Variants in COL18A1 observed in about 807,000 individuals in gnomAD.
The protein encoded by COL18A1 is collagen alpha-1(XVIII) chain.
COL18A1 carries 133 observed loss-of-function variants against 168.0 expected under a neutral mutation model. The ratio of observed to expected loss-of-function variants is 0.79; its 90% CI spans 0.69 to 0.91. The LOEUF (loss-of-function observed/expected upper bound fraction) is 0.91, where lower values mean the gene tolerates loss of function less well. COL18A1 is among the 40% of genes least tolerant of loss of function. The pLI is 0.00. For missense variants in COL18A1, 2,126 were observed against 1,925.4 expected (o/e 1.10, Z -1.95); for synonymous variants, 949 against 809.0 (o/e 1.17, Z -2.94).
chr21:45,496,508 C>T lies in COL18A1; in HGVS notation c.2517C>T (p.Pro839=), dbSNP rs544241303. 5.9e-5 allele frequency: 86 copies of T among 1,457,930 alleles called. No homozygotes were observed. The South Asian group carries it at 6.9e-4, about 12-fold the overall frequency. 90.3% of individuals were successfully genotyped at this position (1,457,930 alleles called of 1,614,324 possible). A position where few individuals can be genotyped will look rare whatever the true frequency, so the allele number is the denominator to read the frequency against. The change falls in exon 30 of 42, where the codon CCC becomes CCT. Residue 839 remains proline (P), a synonymous_variant. Coordinates refer to ENST00000651438, the MANE Select transcript of COL18A1 (RefSeq NM_001379500.1). ...CTCTGCCCTCCCCACAGGGAATGCC[C>T]GGCCCCCCAGGACCTCCAGGGCCCC... ...ASLGFGMRGM[P]GPPGPPGPPG...
At chr21:45,491,886 TGCAGGGCCCAGGGCA>T (rs1264519079) in intron 22 of COL18A1, among the ~76,000 whole-genome samples, 1 of 152,122 alleles carries the variant, frequency 6.6e-6, no homozygotes, top group Non-Finnish European at 1.5e-5. Context: ...CCTGGGCAGA[TGCAGGGCCCAGGGCA>T]GCAGAGCTGG....
intron 2 of COL18A1, among the ~76,000 whole-genome samples, chr21:45,448,878 C>T (rs568376462): frequency 2.0e-5 from 3 of 152,182 alleles, no homozygotes; most frequent in South Asian, 2.1e-4. Flanking sequence ...GCTGCCCCAC[C>T]GCCTTCTTCC....
chr21:45,456,326 C>T lies in COL18A1; in HGVS notation c.107-11916C>T, dbSNP rs1354715704. ...CCGCCTGCGCACGCCACTTCTGCAC[C>T]CCCTGGTGATGGGCTCCCTGGGCAA... On this transcript the variant is annotated intron_variant, in intron 2 of 41. Coordinates refer to ENST00000651438, the MANE Select transcript of COL18A1 (RefSeq NM_001379500.1). 9.7e-6 allele frequency: 15 copies of T among 1,550,854 alleles called. No homozygotes were observed. In the Admixed American group the frequency reaches 1.6e-4, roughly 16 times the overall value.
chr21:45,462,454 C>T (rs1272458895), intron 2 of COL18A1, among the ~76,000 whole-genome samples: 1 of 152,090 alleles, frequency 6.6e-6, no homozygotes, highest in Non-Finnish European at 1.5e-5. Context: ...ACCTTTCTTT[C>T]ATCTTTTGTC....
intron 2 of COL18A1, chr21:45,456,536 C>T (rs1568881564): frequency 6.5e-7 from 1 of 1,548,180 alleles, no homozygotes; most frequent in Non-Finnish European, 8.7e-7. Flanking sequence ...TCGCTGCCTG[C>T]CCCTGCCACC....
chr21:45,503,828 GCACCATTAA>G (rs1214614569), intron 32 of COL18A1, 174 bp from the exon 33 acceptor site: 23 of 425,124 alleles, frequency 5.4e-5, no homozygotes, highest in Middle Eastern at 5.3e-4. Context: ...AAATAAAAAG[GCACCATTAA>G]CAAAAACATC....
At chr21:45,439,619 G>A (rs2034312661) in intron 2 of COL18A1, among the ~76,000 whole-genome samples, 1 of 146,100 alleles carries the variant, frequency 6.8e-6, no homozygotes, top group African/African-American at 2.4e-5. Context: ...GGCTCCAGAC[G>A]TCCTGGGCCA....
intron 2 of COL18A1, among the ~76,000 whole-genome samples, chr21:45,437,250 ACACACACT>A (rs59227665): frequency 0.036 from 4,136 of 115,272 alleles, 371 homozygotes; most frequent in African/African-American, 0.047. Flanking sequence ...TCCTGTACAC[ACACACACT>A]CACACACTCA....
chr21:45,467,562 T>G (rs539476179), intron 2 of COL18A1: 1 of 530,874 alleles, frequency 1.9e-6, no homozygotes, highest in Non-Finnish European at 2.4e-6. Flanking sequence ...CAGCGCTGGG[T>G]GAAATCCCGC....
intron 2 of COL18A1, among the ~76,000 whole-genome samples, chr21:45,415,935 C>T (rs943692726): frequency 1.2e-4 from 19 of 152,150 alleles, no homozygotes; most frequent in African/African-American, 4.1e-4. Flanking sequence ...TGTGGGCCCC[C>T]GCTTATCCAG....
At chr21:45,487,936 G>C (rs1033951066) in intron 17 of COL18A1, among the ~76,000 whole-genome samples, 10 of 152,234 alleles carry the variant, frequency 6.6e-5, no homozygotes, top group African/African-American at 2.4e-4. Context: ...CTCAGGGTTA[G>C]AGCCAGCAAG....
chr21:45,475,334 C>G (rs1012601927), intron 4 of COL18A1, 142 bp from the exon 5 acceptor site: 2 of 772,288 alleles, frequency 2.6e-6, no homozygotes, highest in Admixed American at 2.1e-5. Context: ...AGCGGCCCCC[C>G]GGAGAGCACC....
Position 45,498,713 on chromosome 21 carries a change from T to C in COL18A1, c.2683+1052T>C, listed in dbSNP as rs182785666. 100 of 636,118 alleles carry C rather than the reference T, an allele frequency of 1.6e-4. No homozygotes were observed. The East Asian group carries it at 2.0e-3, about 13-fold the overall frequency. 39.4% of individuals were successfully genotyped at this position (636,118 alleles called of 1,614,324 possible). ...GTCACACACGACGCCCAGGAAGGAGTGAATGATGCACAGATGACCAGAAAC... is the reference window on the plus strand; with the variant it reads ...GTCACACACGACGCCCAGGAAGGAGCGAATGATGCACAGATGACCAGAAAC... On this transcript the variant is annotated intron_variant, in intron 32 of 41. Coordinates refer to ENST00000651438, the MANE Select transcript of COL18A1 (RefSeq NM_001379500.1). The surrounding 1 kb of genome is among the most constrained non-coding windows in gnomAD (Gnocchi z 4.5).
intron 2 of COL18A1, among the ~76,000 whole-genome samples, chr21:45,434,156 C>T (rs2034038076): frequency 7.3e-6 from 1 of 136,948 alleles, no homozygotes; most frequent in East Asian, 2.2e-4. Flanking sequence ...TCCTGTGGCT[C>T]ATGGGTGCAT....
At chr21:45,440,867 C>G (rs1422111185) in intron 2 of COL18A1, among the ~76,000 whole-genome samples, 2 of 152,184 alleles carry the variant, frequency 1.3e-5, no homozygotes, top group Non-Finnish European at 2.9e-5. Flanking sequence ...GTGAGGTTTC[C>G]CAGCACCCTG....
chr21:45,418,796 C>T (rs780880030), intron 2 of COL18A1, among the ~76,000 whole-genome samples: 2 of 97,758 alleles, frequency 2.0e-5, no homozygotes, highest in Non-Finnish European at 4.3e-5. Flanking sequence ...GTTGGGTTCC[C>T]GGGTCCCTCC....
At position 45,486,996 on chromosome 21, in the gene COL18A1, A is replaced by T. The variant is rs2036137116; in HGVS notation, c.1833+4A>T. The stretch of plus-strand genomic sequence containing the variant: ...ACCAGGACTCCCCGCTGGATTTGTG[A>T]GTACCGCCTACACCTGACCCCCTGG... On this transcript the variant is annotated splice_donor_region_variant and intron_variant, in intron 16 of 41. Transcript: ENST00000651438. 1 of 1,522,774 alleles carries T rather than the reference A, an allele frequency of 6.6e-7. No homozygotes were observed. The highest frequency in any genetic ancestry group is 8.7e-7 in the Non-Finnish European group (1 of 1,143,278). The allele number at this position is 1,522,774 out of a possible 1,614,324, so 94.3% of individuals were successfully genotyped here.
chr21:45,434,294 C>T (rs1236836801), intron 2 of COL18A1, among the ~76,000 whole-genome samples: 1 of 152,156 alleles, frequency 6.6e-6, no homozygotes, highest in Non-Finnish European at 1.5e-5. Context: ...CATTTCTGCC[C>T]TCGGGGACAG....
chr21:45,435,553 C>T (rs1254118544), intron 2 of COL18A1, among the ~76,000 whole-genome samples: 2 of 152,094 alleles, frequency 1.3e-5, no homozygotes, highest in Admixed American at 6.5e-5. Context: ...CCAGCTCGGC[C>T]TCCATGTGTC....
Sources: gnomAD v4.1 joint callset for allele counts (sites outside exome capture counted in the v4.1 genomes callset) on GRCh38, gnomAD v4.1.1 for gene constraint, Gnocchi (gnomAD v3.1) non-coding constraint, MANE v1.5 for transcripts, NCBI Gene and HGNC (gene_info 2026-07-23, HGNC 2026-07-21) for gene names.